The following BRD7 variants were observed in gnomAD, a reference collection of about 807,000 sequenced individuals.
The protein encoded by BRD7 is bromodomain containing 7.
BRD7 carries 15 observed loss-of-function variants against 82.1 expected under a neutral mutation model. That is an observed-to-expected ratio of 0.18 (90% CI 0.12 to 0.28). The LOEUF (loss-of-function observed/expected upper bound fraction) is 0.28, where lower values mean the gene tolerates loss of function less well. Ranked by LOEUF, BRD7 falls within the 10% of genes least tolerant of loss-of-function variation. The pLI is 1.00. For missense variants in BRD7, 638 were observed against 779.9 expected (o/e 0.82, Z 2.17); for synonymous variants, 232 against 266.9 (o/e 0.87, Z 1.27).
intron 2 of BRD7, among the ~76,000 whole-genome samples, chr16:50,363,645 G>GTT (rs1567291993): frequency 1.4e-5 from 1 of 71,200 alleles, no homozygotes; most frequent in East Asian, 4.6e-4. Context: ...GTGTGTTTGT[G>GTT]TGTGTGTGTG....
chr16:50,346,099 C>T (rs1329406340), intron 5 of BRD7, among the ~76,000 whole-genome samples: 1 of 152,190 alleles, frequency 6.6e-6, no homozygotes, highest in African/African-American at 2.4e-5. Flanking sequence ...CAAACTAGAA[C>T]TCAGGATTAA....
At chr16:50,344,384 A>G (rs1450348916) in intron 5 of BRD7, among the ~76,000 whole-genome samples, 2 of 152,218 alleles carry the variant, frequency 1.3e-5, no homozygotes, top group African/African-American at 4.8e-5. Flanking sequence ...GCTCCTTGCC[A>G]GCAACGGAAC....
chr16:50,357,475 C>G (rs3901517), intron 2 of BRD7, among the ~76,000 whole-genome samples: 29,599 of 152,104 alleles, frequency 0.19, 3,478 homozygotes, highest in East Asian at 0.49. Context: ...AATCCTTCGT[C>G]CAGAAATACT....
rs551519955 is a variant in BRD7 at position 50,368,314 on chromosome 16, G to T, written c.50-16C>A. On this transcript the variant is annotated splice_polypyrimidine_tract_variant and intron_variant, in intron 1 of 16. Transcript: ENST00000394688. ...TCTACATACTCTTAAAAAAAGAAAAGAAAAGAAAGGAAAGCGCGTCGATTA... is the reference window on the plus strand; with the variant it reads ...TCTACATACTCTTAAAAAAAGAAAATAAAAGAAAGGAAAGCGCGTCGATTA... 3 of 1,609,060 alleles carry T rather than the reference G, an allele frequency of 1.9e-6. No individual in the cohort carries two copies. The highest frequency in any genetic ancestry group is 2.2e-5 in the East Asian group (1 of 44,854).
chr16:50,339,824 A>T (rs533289803), intron 6 of BRD7, 152 bp downstream of exon 6: 8 of 398,548 alleles, frequency 2.0e-5, no homozygotes, highest in African/African-American at 8.3e-5. Flanking sequence ...CTTTATTAAA[A>T]TTTTTTTCAT....
At chr16:50,354,738 G>A in intron 3 of BRD7, 55 bp downstream of exon 3, 2 of 1,570,914 alleles carry the variant, frequency 1.3e-6, no homozygotes, top group Non-Finnish European at 1.7e-6. Flanking sequence ...ATTTTCCTGA[G>A]CTATAATGAT....
chr16:50,326,496 C>T (rs901219954), intron 9 of BRD7, 105 bp from the exon 10 acceptor site: 11 of 686,978 alleles, frequency 1.6e-5, no homozygotes, highest in African/African-American at 9.1e-5. Context: ...ATCTGCATGA[C>T]CGTGAAGGAG....
chr16:50,354,982 T>C (rs2038677468), intron 2 of BRD7, 60 bp from the exon 3 acceptor site: 1 of 1,563,302 alleles, frequency 6.4e-7, no homozygotes, highest in South Asian at 1.2e-5. Context: ...TTTAAATACA[T>C]AAATCATTTT....
chr16:50,325,189 T>C (rs943868630), intron 11 of BRD7, among the ~76,000 whole-genome samples: 4 of 152,216 alleles, frequency 2.6e-5, no homozygotes, highest in South Asian at 2.1e-4. Context: ...ATTATGTTGA[T>C]GGGATCCAAA....
chr16:50,368,572 G>GTA (rs1365410072), intron 1 of BRD7, 154 bp downstream of exon 1: 8 of 809,248 alleles, frequency 9.9e-6, no homozygotes, highest in Non-Finnish European at 1.4e-5. Context: ...CCGCACGGGG[G>GTA]GCAGCGCGGC....
rs115397158 is a variant in BRD7, at chr16:50,319,920, C to T, written c.1867G>A (p.Val623Ile). The T allele has an allele frequency of 1.2e-3, 1,991 of 1,612,210 alleles. 6 individuals are homozygous for T. Among genetic ancestry groups the T allele is most frequent in the African/African-American group, 9.1e-3 (679 of 74,960 alleles). The change falls in exon 16 of 17, where the codon GTC (valine) becomes ATC (isoleucine). Residue 623 changes from valine (V) to isoleucine (I), a missense_variant. Val to Ile is a conservative substitution (Grantham distance 29). Around this residue, in one of 3 missense-constraint regions of BRD7, gnomAD observed 402 missense variants for 500.8 expected, o/e 0.80. Transcript: ENST00000394688. ...KAMGISIPSP[V>I]MENNFVDLTE... Reference sequence around the variant, plus strand: ...AAATCCACAAAGTTGTTTTCCATGACGGGGGAAGGAATGGAAATCCCCATT... The same window carrying T: ...AAATCCACAAAGTTGTTTTCCATGATGGGGGAAGGAATGGAAATCCCCATT...
At chr16:50,329,823 G>C (rs936678677) in intron 8 of BRD7, among the ~76,000 whole-genome samples, 9 of 152,222 alleles carry the variant, frequency 5.9e-5, no homozygotes, top group African/African-American at 2.2e-4. Flanking sequence ...TTAAAAAAGA[G>C]CTCTATATTC....
Position 50,323,755 on chromosome 16 carries a change from C to T in BRD7, c.1332-57G>A, listed in dbSNP as rs991408316. 10 of 1,274,306 alleles carry T rather than the reference C, an allele frequency of 7.8e-6. No homozygotes were observed. The African/African-American group carries it at 1.0e-4, about 13-fold the overall frequency. 78.9% of individuals were successfully genotyped at this position (1,274,306 alleles called of 1,614,324 possible). A position where few individuals can be genotyped will look rare whatever the true frequency, so the allele number is the denominator to read the frequency against. On this transcript the variant is annotated intron_variant, in intron 11 of 16. Coordinates refer to ENST00000394688, the MANE Select transcript of BRD7 (RefSeq NM_013263.5). ...AATCACCTCCACTGGCTTTATCCTC[C>T]CATCAGAGCCAACTGTTTCCACTAG...
At chr16:50,358,350 T>TCCCGTCTTTACAAAAAATACAAGAATTAG (rs61455994) in intron 2 of BRD7, among the ~76,000 whole-genome samples, 1 of 151,088 alleles carries the variant, frequency 6.6e-6, no homozygotes, top group Admixed American at 6.6e-5. Context: ...CATAGCGAAA[T>TCCCGTCTTTACAAAAAATACAAGAATTAG]CCAGGAGTTT....
In BRD7 at chr16:50,320,148, T is replaced by C; in HGVS notation, c.1756+100A>G. The C allele has an allele frequency of 6.6e-7, 1 of 1,525,576 alleles. No individual in the cohort carries two copies. 94.5% of individuals were successfully genotyped at this position (1,525,576 alleles called of 1,614,324 possible). On this transcript the variant is annotated intron_variant, in intron 15 of 16. Transcript: ENST00000394688. ...CAAAACAAAAAAACTGTCCCTGGGA[T>C]TCACATCAGCATTACTCTATAGTGG...
intron 2 of BRD7, among the ~76,000 whole-genome samples, chr16:50,361,237 G>A (rs2038923079): frequency 6.6e-6 from 1 of 152,184 alleles, no homozygotes; most frequent in Non-Finnish European, 1.5e-5. Context: ...TATAGATAGT[G>A]CTTTAATAAA....
intron 2 of BRD7, among the ~76,000 whole-genome samples, chr16:50,365,497 CAG>C (rs1394316897): frequency 6.6e-6 from 1 of 151,922 alleles, no homozygotes; most frequent in Non-Finnish European, 1.5e-5. Context: ...CAACAGAAAA[CAG>C]AGACAGACAA....
At chr16:50,329,655 G>A (rs1006654405) in intron 8 of BRD7, among the ~76,000 whole-genome samples, 1 of 152,172 alleles carries the variant, frequency 6.6e-6, no homozygotes, top group African/African-American at 2.4e-5. Context: ...TGTCGGCTGA[G>A]AGCCATCCAT....
chr16:50,360,616 C>T (rs950746591), intron 2 of BRD7, among the ~76,000 whole-genome samples: 6 of 152,132 alleles, frequency 3.9e-5, no homozygotes, highest in Admixed American at 6.5e-5. Context: ...TTTACCAGGT[C>T]GTGAGGTTTA....
Sources: allele counts gnomAD v4.1 joint callset (sites outside exome capture counted in the v4.1 genomes callset), GRCh38; gene constraint gnomAD v4.1.1; regional missense constraint gnomAD v4.1.1; transcripts MANE v1.5; gene names NCBI Gene and HGNC (gene_info 2026-07-23, HGNC 2026-07-21).